Variants in ST6GALNAC3 observed in about 807,000 individuals in gnomAD.
The protein encoded by ST6GALNAC3 is alpha-N-acetylgalactosaminide alpha-2,6-sialyltransferase 3.
Under a neutral mutation model 32.7 loss-of-function variants are expected in ST6GALNAC3, and 25 were observed. That is an observed-to-expected ratio of 0.76 (90% CI 0.56 to 1.07). The LOEUF (loss-of-function observed/expected upper bound fraction) is 1.07. Ranked by LOEUF, ST6GALNAC3 falls within the 50% of genes least tolerant of loss-of-function variation. ST6GALNAC3 has a pLI of 0.00. For missense variants in ST6GALNAC3, 355 were observed against 382.4 expected, an observed-to-expected ratio of 0.93 and a Z score of 0.60; for synonymous variants, 129 against 133.1, an observed-to-expected ratio of 0.97 and a Z score of 0.21.
rs544664689 is a variant in ST6GALNAC3 at position 76,449,658 on chromosome 1, C to T, written c.623+37241C>T. Among the ~76,000 whole-genome samples, 156 of 152,260 alleles carry T rather than the reference C, an allele frequency of 1.0e-3. 1 individual carries two copies. The Middle Eastern group carries it at 0.017, about 17-fold the overall frequency. ...TACTTTAATTTGCAATCCCCTAATG[C>T]CATATGATATAGAACATCTTTTCAT... is the stretch of plus-strand genomic sequence containing the variant. On this transcript the variant is annotated intron_variant, in intron 3 of 4. Transcript: ENST00000328299.
At chr1:76,402,569 C>T (rs74679582) in intron 2 of ST6GALNAC3, among the ~76,000 whole-genome samples, 3,668 of 152,252 alleles carry the variant, frequency 0.024, 160 homozygotes, top group African/African-American at 0.083. Context: ...AGGCAGAATA[C>T]ATACCTTACA....
intron 3 of ST6GALNAC3, among the ~76,000 whole-genome samples, chr1:76,520,539 T>A (rs894975532): frequency 1.3e-5 from 2 of 152,088 alleles, no homozygotes; most frequent in African/African-American, 4.8e-5. Context: ...CATAGTTTTC[T>A]ACTTCTAGCC....
intron 3 of ST6GALNAC3, among the ~76,000 whole-genome samples, chr1:76,612,151 A>C (rs139486043): frequency 6.6e-6 from 1 of 152,142 alleles, no homozygotes; most frequent in Non-Finnish European, 1.5e-5. Flanking sequence ...GATTGTATAG[A>C]ATATGCCAAC....
At chr1:76,487,676 C>T in intron 3 of ST6GALNAC3, among the ~76,000 whole-genome samples, 1 of 152,104 alleles carries the variant, frequency 6.6e-6, no homozygotes, top group East Asian at 1.9e-4. Context: ...TTCGAACTTC[C>T]TCCTTTAGCT....
intron 1 of ST6GALNAC3, among the ~76,000 whole-genome samples, chr1:76,261,283 GA>G (rs1658219804): frequency 6.6e-6 from 1 of 152,044 alleles, no homozygotes; most frequent in Admixed American, 6.5e-5. Flanking sequence ...TGTTGATTTG[GA>G]TATGCCATAA....
chr1:76,192,738 T>C (rs1414998426), intron 1 of ST6GALNAC3, among the ~76,000 whole-genome samples: 2 of 152,194 alleles, frequency 1.3e-5, no homozygotes, highest in Non-Finnish European at 2.9e-5. Flanking sequence ...TTCTGCTCTT[T>C]GATCAGGATA....
In ST6GALNAC3 at chr1:76,137,142, G is replaced by A. The variant is rs1199348051; in HGVS notation, c.18+62258G>A. 2.0e-5 allele frequency among the ~76,000 whole-genome samples: 3 copies of A among 152,212 alleles called. No individual in the cohort carries two copies. In the East Asian group the frequency reaches 5.8e-4, roughly 29 times the overall value. Reference sequence around the variant, plus strand: ...AAGTCACTTTACTGTCCCCTGCTCTGCCACACTGCCTGTGTTTTCAGAGAG... The same window carrying A: ...AAGTCACTTTACTGTCCCCTGCTCTACCACACTGCCTGTGTTTTCAGAGAG... On this transcript the variant is annotated intron_variant, in intron 1 of 4. Coordinates refer to ENST00000328299, the MANE Select transcript of ST6GALNAC3 (RefSeq NM_152996.4).
intron 1 of ST6GALNAC3, among the ~76,000 whole-genome samples, chr1:76,184,334 T>C (rs1165244250): frequency 6.6e-6 from 1 of 151,090 alleles, no homozygotes; most frequent in Admixed American, 6.6e-5. Context: ...AGGTCAGGAG[T>C]TCAAGACCAG....
At chr1:76,556,882 A>T (rs566525785) in intron 3 of ST6GALNAC3, among the ~76,000 whole-genome samples, 1 of 152,100 alleles carries the variant, frequency 6.6e-6, no homozygotes, top group African/African-American at 2.4e-5. Context: ...GATAAATCCA[A>T]TTTATCTGTT....
chr1:76,194,274 C>T (rs1014659418), intron 1 of ST6GALNAC3, among the ~76,000 whole-genome samples: 8 of 152,146 alleles, frequency 5.3e-5, no homozygotes, highest in African/African-American at 1.9e-4. Context: ...ATATAGAGTA[C>T]GAGCTTAAAG....
intron 1 of ST6GALNAC3, among the ~76,000 whole-genome samples, chr1:76,250,986 A>C (rs1262092751): frequency 1.3e-5 from 2 of 152,038 alleles, no homozygotes; most frequent in African/African-American, 4.8e-5. Context: ...TGTAGCTTCG[A>C]CCTTTCTTCT....
rs77033265 is a variant in ST6GALNAC3, at chr1:76,552,280, C to G, written c.624-75172C>G. Among the ~76,000 whole-genome samples the G allele has an allele frequency of 2.2e-3, 328 of 152,236 alleles. 1 individual carries two copies. Among genetic ancestry groups the G allele is most frequent in the African/African-American group, 7.6e-3 (316 of 41,534 alleles). On this transcript the variant is annotated intron_variant, in intron 3 of 4. Coordinates refer to ENST00000328299, the MANE Select transcript of ST6GALNAC3 (RefSeq NM_152996.4). The stretch of plus-strand genomic sequence containing the variant: ...CTGGAGTCTGTGGTGGGAATGTGGA[C>G]CACTGAGGGTCTCTCACTTACCCTT...
At chr1:76,283,039 C>T (rs4949703) in intron 1 of ST6GALNAC3, among the ~76,000 whole-genome samples, 72,048 of 151,224 alleles carry the variant, frequency 0.48, 17,418 homozygotes, top group African/African-American at 0.55. Context: ...AGCTAGACTG[C>T]CTCAAAAAGA....
intron 3 of ST6GALNAC3, among the ~76,000 whole-genome samples, chr1:76,541,304 AGAGAGAACAGTGAAGAGGGTATT>A (rs1663975318): frequency 6.6e-6 from 1 of 152,138 alleles, no homozygotes; most frequent in Admixed American, 6.6e-5. Flanking sequence ...TCCAAGGGTC[AGAGAGAACAGTGAAGAGGGTATT>A]GCTGAAGTCT....
At chr1:76,395,909 G>C (rs1571084907) in intron 2 of ST6GALNAC3, among the ~76,000 whole-genome samples, 1 of 152,170 alleles carries the variant, frequency 6.6e-6, no homozygotes, top group East Asian at 1.9e-4. Context: ...TAGCAGAGTA[G>C]GGTGAATATA....
At chr1:76,599,229 GT>G (rs35722541) in intron 3 of ST6GALNAC3, among the ~76,000 whole-genome samples, 121,530 of 151,108 alleles carry the variant, frequency 0.8, 48,894 homozygotes, top group East Asian at 0.99. Flanking sequence ...AAGATTTTGT[GT>G]TTTTTTTTTA....
At chr1:76,365,392 G>A (rs747071607) in intron 2 of ST6GALNAC3, among the ~76,000 whole-genome samples, 6 of 152,178 alleles carry the variant, frequency 3.9e-5, no homozygotes, top group East Asian at 1.9e-4. Flanking sequence ...CTATTTGAGT[G>A]ATGGGTACAC....
intron 1 of ST6GALNAC3, among the ~76,000 whole-genome samples, chr1:76,298,119 G>A (rs1660514394): frequency 2.0e-5 from 3 of 151,846 alleles, no homozygotes; most frequent in South Asian, 4.2e-4. Flanking sequence ...GTCAGATTAT[G>A]AAGGGGCTTT....
chr1:76,155,232 G>A (rs577474948), intron 1 of ST6GALNAC3, among the ~76,000 whole-genome samples: 206 of 152,222 alleles, frequency 1.4e-3, no homozygotes, highest in African/African-American at 4.7e-3. Context: ...AATTCCCACA[G>A]GAAGAACATA....
Sources: gnomAD v4.1 joint callset for allele counts (sites outside exome capture counted in the v4.1 genomes callset) on GRCh38, gnomAD v4.1.1 for gene constraint, MANE v1.5 for transcripts, NCBI Gene and HGNC (gene_info 2026-07-23, HGNC 2026-07-21) for gene names.